PTPRD: variants seen among roughly 807,000 people sequenced by gnomAD.
PTPRD encodes receptor-type tyrosine-protein phosphatase delta.
A neutral mutation model predicts 214.5 loss-of-function variants in PTPRD; 34 were observed. The observed-to-expected ratio is 0.16, with a 90% CI of 0.12 to 0.21. The LOEUF (loss-of-function observed/expected upper bound fraction) is 0.21. Among genes scored for constraint, PTPRD ranks in the 10% least tolerant of loss-of-function variants. The pLI, the probability that PTPRD is intolerant of heterozygous loss-of-function variation, is 1.00. For synonymous variants in PTPRD, 1,128 were observed against 845.7 expected, an observed-to-expected ratio of 1.33 and a Z score of -5.79; for missense variants, 2,545 against 2,398.7, an observed-to-expected ratio of 1.06 and a Z score of -1.27.
chr9:9,708,109 G>C (rs893514424), intron 7 of PTPRD, among the ~76,000 whole-genome samples: 1 of 152,130 alleles, frequency 6.6e-6, no homozygotes. Flanking sequence ...TAATGGTACA[G>C]ATTACTACGT....
At chr9:10,063,656 A>T (rs1313017631) in intron 3 of PTPRD, among the ~76,000 whole-genome samples, 1 of 152,044 alleles carries the variant, frequency 6.6e-6, no homozygotes, top group Non-Finnish European at 1.5e-5. Flanking sequence ...CTTGATTACA[A>T]ATATACACAA....
intron 7 of PTPRD, among the ~76,000 whole-genome samples, chr9:9,680,207 A>G (rs2097036041): frequency 6.6e-6 from 1 of 151,830 alleles, no homozygotes; most frequent in Admixed American, 6.6e-5. Context: ...TTCTCCACTT[A>G]AAATGATAAA....
intron 8 of PTPRD, among the ~76,000 whole-genome samples, chr9:9,546,444 C>T (rs1045247897): frequency 6.6e-6 from 1 of 151,490 alleles, no homozygotes; most frequent in Non-Finnish European, 1.5e-5. Context: ...TATTCATGTT[C>T]AGTTTTTCTA....
chr9:10,526,241 A>T (rs1288168029), intron 2 of PTPRD, among the ~76,000 whole-genome samples: 3 of 152,162 alleles, frequency 2.0e-5, no homozygotes, highest in Non-Finnish European at 4.4e-5. Flanking sequence ...TGAGAAATAA[A>T]AGGAAATGAA....
intron 35 of PTPRD, among the ~76,000 whole-genome samples, chr9:8,426,821 G>A (rs572680702): frequency 3.6e-4 from 54 of 150,804 alleles, no homozygotes; most frequent in African/African-American, 1.3e-3. Context: ...TTTAATGTGG[G>A]TGAAAGAACA....
chr9:8,613,304 G>C (rs1186166334), intron 14 of PTPRD, among the ~76,000 whole-genome samples: 1 of 152,062 alleles, frequency 6.6e-6, no homozygotes, highest in Admixed American at 6.5e-5. Flanking sequence ...TCCATTTCTA[G>C]AAGAGAGAGC....
intron 9 of PTPRD, among the ~76,000 whole-genome samples, chr9:9,187,026 G>T (rs1033997231): frequency 6.7e-6 from 1 of 149,960 alleles, no homozygotes; most frequent in Admixed American, 6.7e-5. Flanking sequence ...TTTCACACCT[G>T]AAAAAGGTAT....
intron 4 of PTPRD, among the ~76,000 whole-genome samples, chr9:9,941,602 C>T (rs141397010): frequency 0.012 from 1,795 of 152,290 alleles, 21 homozygotes; most frequent in Non-Finnish European, 0.018. Flanking sequence ...GGATTACTGG[C>T]GTGAGCCACT....
chr9:8,365,213 C>T (rs984645384), intron 39 of PTPRD, among the ~76,000 whole-genome samples: 8 of 152,076 alleles, frequency 5.3e-5, no homozygotes, highest in Admixed American at 2.0e-4. Context: ...CCTTCCACGG[C>T]TATGATTCAC....
rs918246777 is a variant in PTPRD, at chr9:8,420,796, C to T, written c.4086+15796G>A. ...GCTTTGAGACATGAATACTACAGAT[C>T]ATTTTTCTTTTTTTTTTTTTTTAAA... is the stretch of plus-strand genomic sequence containing the variant. On this transcript the variant is annotated intron_variant, in intron 35 of 45. Transcript: ENST00000381196. Among the ~76,000 whole-genome samples the T allele has an allele frequency of 3.4e-5, 5 of 145,526 alleles. No individual in the cohort carries two copies. The East Asian group carries it at 1.1e-3, about 31-fold the overall frequency.
chr9:8,985,305 C>T (rs968718914), intron 11 of PTPRD, among the ~76,000 whole-genome samples: 3 of 151,886 alleles, frequency 2.0e-5, no homozygotes, highest in Non-Finnish European at 1.5e-5. Context: ...ATGCTTTATT[C>T]AATATAAAAA....
intron 12 of PTPRD, among the ~76,000 whole-genome samples, chr9:8,712,900 G>C (rs2098373647): frequency 6.6e-6 from 1 of 152,084 alleles, no homozygotes. Context: ...TGTATTTTTA[G>C]TAGAGACGGG....
At chr9:8,725,609 G>GA (rs540663627) in intron 12 of PTPRD, among the ~76,000 whole-genome samples, 4 of 151,970 alleles carry the variant, frequency 2.6e-5, no homozygotes, top group Non-Finnish European at 4.4e-5. Context: ...AAACTAATGA[G>GA]AAAAAAAGGC....
chr9:9,456,947 G>T (rs2093092808), intron 8 of PTPRD, among the ~76,000 whole-genome samples: 1 of 151,860 alleles, frequency 6.6e-6, no homozygotes, highest in African/African-American at 2.4e-5. Flanking sequence ...TGATAAATAA[G>T]ACACCACAAT....
At chr9:10,124,166 T>C (rs1479358076) in intron 3 of PTPRD, among the ~76,000 whole-genome samples, 1 of 152,222 alleles carries the variant, frequency 6.6e-6, no homozygotes, top group African/African-American at 2.4e-5. Flanking sequence ...GATGCAGCTA[T>C]GATTTGTTAT....
intron 10 of PTPRD, among the ~76,000 whole-genome samples, chr9:9,126,428 G>T (rs1002456479): frequency 6.6e-6 from 1 of 152,106 alleles, no homozygotes; most frequent in African/African-American, 2.4e-5. Flanking sequence ...TAGAAATTGT[G>T]ACTTTAAGTG....
chr9:8,449,538 C>A (rs74859721), intron 34 of PTPRD, among the ~76,000 whole-genome samples, 187 bp downstream of exon 34: 1,554 of 152,264 alleles, frequency 0.01, 29 homozygotes, highest in African/African-American at 0.036. Context: ...ACCCAATTTC[C>A]GGTTTGCAGA....
At chr9:10,090,031 C>G (rs1284351026) in intron 3 of PTPRD, among the ~76,000 whole-genome samples, 1 of 151,606 alleles carries the variant, frequency 6.6e-6, no homozygotes, top group Non-Finnish European at 1.5e-5. Context: ...ACACTATCTA[C>G]AAGACTGTAT....
intron 5 of PTPRD, among the ~76,000 whole-genome samples, chr9:9,885,358 G>A (rs1177975374): frequency 6.6e-6 from 1 of 151,956 alleles, no homozygotes; most frequent in Non-Finnish European, 1.5e-5. Context: ...TTAAGATGAT[G>A]CCTCATAGAA....
Sources: allele counts gnomAD v4.1 joint callset (sites outside exome capture counted in the v4.1 genomes callset), GRCh38; gene constraint gnomAD v4.1.1; transcripts MANE v1.5; gene names NCBI Gene and HGNC (gene_info 2026-07-23, HGNC 2026-07-21).